Variants in LRP6 observed in about 807,000 individuals in gnomAD.
LRP6 encodes LDL receptor related protein 6, also known as low-density lipoprotein receptor-related protein 6.
A neutral mutation model predicts 184.1 loss-of-function variants in LRP6; 43 were observed. The ratio of observed to expected loss-of-function variants is 0.23; its 90% confidence interval spans 0.18 to 0.30. The LOEUF is 0.30. Ranked by LOEUF, LRP6 falls within the 10% of genes least tolerant of loss-of-function variation. The pLI, the probability that LRP6 is intolerant of heterozygous loss-of-function variation, is 1.00. For missense variants in LRP6, 1,571 were observed against 2,005.3 expected (o/e 0.78, Z 4.14); for synonymous variants, 719 against 684.9 (o/e 1.05, Z -0.78).
rs566324716 is a variant in LRP6 at position 12,194,510 on chromosome 12, C to CT, written c.648-7392dup. ...CTTTCTTGCCTTTATAGTTTTATTG[C>CT]TTTTTGTAAGTGTGCATCCACAGAA... On this transcript the variant is annotated intron_variant, in intron 3 of 22. Transcript: ENST00000261349. 1.4e-3 allele frequency among the ~76,000 whole-genome samples: 218 copies of CT among 152,132 alleles called. 1 individual carries two copies. The highest frequency in any genetic ancestry group is 4.9e-3 in the African/African-American group (202 of 41,530).
intron 2 of LRP6, 31 bp downstream of exon 2, chr12:12,244,231 G>A (rs1342847818): frequency 6.2e-7 from 1 of 1,612,728 alleles, no homozygotes; most frequent in East Asian, 2.2e-5. Context: ...AAGGAGGTAT[G>A]ATGATCTTCG....
chr12:12,232,497 G>A (rs1864817369), intron 2 of LRP6, among the ~76,000 whole-genome samples: 1 of 151,138 alleles, frequency 6.6e-6, no homozygotes, highest in East Asian at 1.9e-4. Flanking sequence ...GAATTCTCAA[G>A]GACAGCCTCT....
intron 1 of LRP6, among the ~76,000 whole-genome samples, chr12:12,257,779 CAAAAAAAAAAAAAAAA>C (rs1163180718): frequency 2.8e-4 from 10 of 35,324 alleles, no homozygotes; most frequent in South Asian, 4.6e-3. Flanking sequence ...CCTGTCTCTA[CAAAAAAAAAAAAAAAA>C]AAAAAAAAAA....
At chr12:12,195,406 T>C (rs763851085) in intron 3 of LRP6, among the ~76,000 whole-genome samples, 2 of 152,146 alleles carry the variant, frequency 1.3e-5, no homozygotes, top group African/African-American at 4.8e-5. Context: ...TAGGGTGAGA[T>C]GATACTTCAT....
intron 10 of LRP6, among the ~76,000 whole-genome samples, chr12:12,160,527 A>G (rs1418161277): frequency 1.3e-5 from 2 of 152,238 alleles, no homozygotes; most frequent in Admixed American, 1.3e-4. Flanking sequence ...CCAAGGGAGC[A>G]TACTATATGG....
chr12:12,261,386 G>A (rs531117654), intron 1 of LRP6, among the ~76,000 whole-genome samples: 3 of 146,598 alleles, frequency 2.0e-5, no homozygotes, highest in Non-Finnish European at 4.5e-5. Flanking sequence ...CTGGGCGACA[G>A]AGCAAGACTC....
At chr12:12,145,255 C>T (rs998153636) in intron 15 of LRP6, among the ~76,000 whole-genome samples, 2 of 151,308 alleles carry the variant, frequency 1.3e-5, no homozygotes, top group Non-Finnish European at 2.9e-5. Flanking sequence ...ACTATACATG[C>T]GTAAGTGTGT....
rs779355598 is a variant in LRP6, at chr12:12,244,664, A to C, written c.56-9T>G. 1 of 1,613,452 alleles carries C rather than the reference A, an allele frequency of 6.2e-7. No homozygotes were observed. The stretch of plus-strand genomic sequence containing the variant: ...AAGCAACAAAGGGGCCGCTAGAACA[A>C]AAAAAGAAAAATATGTAAGTGAAAA... On this transcript the variant is annotated splice_polypyrimidine_tract_variant and intron_variant, in intron 1 of 22. Coordinates refer to ENST00000261349, the MANE Select transcript of LRP6 (RefSeq NM_002336.3).
chr12:12,249,145 T>C (rs184601071), intron 1 of LRP6: 67 of 709,800 alleles, frequency 9.4e-5, no homozygotes, highest in Non-Finnish European at 1.4e-4. Context: ...GGGATGATAA[T>C]TGGGCCTGCA....
At position 12,163,116 on chromosome 12, in the gene LRP6, CAGGT is replaced by C. The variant is rs1265999470; in HGVS notation, c.2053-701_2053-698del. On this transcript the variant is annotated intron_variant, in intron 9 of 22. Transcript: ENST00000261349. Reference sequence around the variant, plus strand: ...TCAGTTTCCCGAGTAGCTGGGATTACAGGTATGCGCCACCATGACCAGCTAATTT... The same window carrying C: ...TCAGTTTCCCGAGTAGCTGGGATTACATGCGCCACCATGACCAGCTAATTT... Among the ~76,000 whole-genome samples the C allele has an allele frequency of 3.3e-5, 5 of 152,182 alleles. No individual in the cohort carries two copies. In the South Asian group the frequency reaches 6.2e-4, roughly 19 times the overall value.
chr12:12,259,053 G>A (rs1211839038), intron 1 of LRP6, among the ~76,000 whole-genome samples: 1 of 152,224 alleles, frequency 6.6e-6, no homozygotes, highest in Non-Finnish European at 1.5e-5. Context: ...CCTGAGGTCA[G>A]GAGTTCGAGA....
At chr12:12,230,884 A>G (rs148119741) in intron 2 of LRP6, among the ~76,000 whole-genome samples, 203 of 152,296 alleles carry the variant, frequency 1.3e-3, no homozygotes, top group African/African-American at 4.4e-3. Context: ...TGAACAGGAA[A>G]GTAAAAAGCA....
At chr12:12,223,097 T>C (rs1284901923) in intron 2 of LRP6, among the ~76,000 whole-genome samples, 1 of 145,596 alleles carries the variant, frequency 6.9e-6, no homozygotes, top group Non-Finnish European at 1.5e-5. Flanking sequence ...TAGTTAAGAA[T>C]AGTAACAATT....
intron 2 of LRP6, among the ~76,000 whole-genome samples, chr12:12,204,781 C>T (rs1235212294): frequency 6.7e-6 from 1 of 149,270 alleles, no homozygotes; most frequent in African/African-American, 2.5e-5. Context: ...CATGGTGAAA[C>T]CCCATCTCTA....
At chr12:12,231,845 T>A (rs1864797933) in intron 2 of LRP6, among the ~76,000 whole-genome samples, 1 of 151,814 alleles carries the variant, frequency 6.6e-6, no homozygotes, top group African/African-American at 2.4e-5. Flanking sequence ...TGAAACCCCA[T>A]CTCTACAAAA....
intron 1 of LRP6, chr12:12,249,576 T>A (rs1223730631): frequency 2.3e-6 from 1 of 427,400 alleles, no homozygotes; most frequent in Non-Finnish European, 4.1e-6. Context: ...GACCTCAAAG[T>A]ACTGGAAAGG....
At chr12:12,174,113 T>A (rs1272799314) in intron 7 of LRP6, among the ~76,000 whole-genome samples, 1 of 151,966 alleles carries the variant, frequency 6.6e-6, no homozygotes, top group Non-Finnish European at 1.5e-5. Flanking sequence ...GTATAATCAA[T>A]CTTTCTTTTT....
intron 3 of LRP6, among the ~76,000 whole-genome samples, chr12:12,193,441 A>T (rs1863669026): frequency 6.6e-6 from 1 of 151,730 alleles, no homozygotes; most frequent in South Asian, 2.1e-4. Context: ...TAAAACCAGA[A>T]GCTGGTTGTT....
intron 10 of LRP6, among the ~76,000 whole-genome samples, chr12:12,160,927 C>A (rs371489135): frequency 6.6e-6 from 1 of 152,244 alleles, no homozygotes; most frequent in African/African-American, 2.4e-5. Flanking sequence ...ATCAGCCTGT[C>A]AGCTGATAGC....
Sources: allele counts gnomAD v4.1 joint callset (sites outside exome capture counted in the v4.1 genomes callset), GRCh38; gene constraint gnomAD v4.1.1; transcripts MANE v1.5; gene names NCBI Gene and HGNC (gene_info 2026-07-23, HGNC 2026-07-21).